SPAG16: variants seen among roughly 807,000 people sequenced by gnomAD.
SPAG16 encodes sperm-associated antigen 16 protein.
A neutral mutation model predicts 80.4 loss-of-function variants in SPAG16; 86 were observed. The observed-to-expected ratio is 1.07, with a 90% confidence interval of 0.90 to 1.28. The LOEUF (loss-of-function observed/expected upper bound fraction) is 1.28, where lower values mean the gene tolerates loss of function less well. Among genes scored for constraint, SPAG16 ranks in the 50% most tolerant of loss-of-function variants. SPAG16 has a pLI of 0.00. For missense variants in SPAG16, 870 were observed against 765.3 expected, an observed-to-expected ratio of 1.14 and a Z score of -1.61; for synonymous variants, 294 against 265.9, an observed-to-expected ratio of 1.11 and a Z score of -1.03.
intron 12 of SPAG16, among the ~76,000 whole-genome samples, chr2:213,967,922 A>G (rs2044790066): frequency 6.6e-6 from 1 of 152,100 alleles, no homozygotes; most frequent in Non-Finnish European, 1.5e-5. Flanking sequence ...GCTTCCTTTT[A>G]CGATATCAGT....
chr2:213,936,353 G>A (rs1454517689), intron 12 of SPAG16, among the ~76,000 whole-genome samples: 2 of 152,144 alleles, frequency 1.3e-5, no homozygotes, highest in African/African-American at 4.8e-5. Flanking sequence ...TCAATGAAAT[G>A]GGAAACCATT....
At chr2:213,316,229 T>C (rs1349156376) in intron 4 of SPAG16, among the ~76,000 whole-genome samples, 1 of 151,976 alleles carries the variant, frequency 6.6e-6, no homozygotes, top group Non-Finnish European at 1.5e-5. Flanking sequence ...TGGCTATCTG[T>C]TGCTCAGCCA....
chr2:214,182,811 T>A (rs1003474658), intron 15 of SPAG16, among the ~76,000 whole-genome samples: 1 of 151,942 alleles, frequency 6.6e-6, no homozygotes. Context: ...TTATTGTACA[T>A]AAATATCAGA....
At chr2:214,261,076 C>G (rs1691122247) in intron 15 of SPAG16, among the ~76,000 whole-genome samples, 2 of 117,012 alleles carry the variant, frequency 1.7e-5, no homozygotes, top group Admixed American at 2.4e-4. Flanking sequence ...CACTGCACTC[C>G]AGCCTGGGCT....
chr2:214,143,634 TTACA>T (rs1454411153), intron 14 of SPAG16, among the ~76,000 whole-genome samples: 1 of 152,194 alleles, frequency 6.6e-6, no homozygotes, highest in Admixed American at 6.5e-5. Context: ...TTCTTTTAAA[TTACA>T]TACAATCAAC....
intron 10 of SPAG16, among the ~76,000 whole-genome samples, chr2:213,639,250 T>C (rs2062493929): frequency 6.6e-6 from 1 of 152,198 alleles, no homozygotes; most frequent in Non-Finnish European, 1.5e-5. Context: ...AAAGTTAGTA[T>C]TGAGATATGA....
chr2:214,331,039 C>T (rs1349532723), intron 15 of SPAG16, among the ~76,000 whole-genome samples: 1 of 152,200 alleles, frequency 6.6e-6, no homozygotes, highest in East Asian at 1.9e-4. Flanking sequence ...TGATTCTCTT[C>T]TTAACTTTCA....
rs539889635 is a variant in SPAG16, at chr2:213,563,377, G to A, written c.1070+73287G>A. On this transcript the variant is annotated intron_variant, in intron 10 of 15. Transcript: ENST00000331683. ...GTATGTGTATTAGTCAGCTTGGGCT[G>A]TCATAACAATATACTATAGACTAGG... Among the ~76,000 whole-genome samples, 10 of 152,244 alleles carry A rather than the reference G, an allele frequency of 6.6e-5. No homozygotes were observed. The East Asian group carries it at 1.9e-3, about 29-fold the overall frequency.
intron 10 of SPAG16, among the ~76,000 whole-genome samples, chr2:213,772,675 A>G (rs1305364805): frequency 6.6e-6 from 1 of 152,148 alleles, no homozygotes; most frequent in Non-Finnish European, 1.5e-5. Flanking sequence ...TGTCAGGTAG[A>G]TTAATTCTCC....
At chr2:213,325,884 C>G (rs751856336) in intron 5 of SPAG16, among the ~76,000 whole-genome samples, 2 of 151,918 alleles carry the variant, frequency 1.3e-5, no homozygotes, top group African/African-American at 4.8e-5. Flanking sequence ...ATCTCTGTGC[C>G]TGGTACATAG....
intron 13 of SPAG16, among the ~76,000 whole-genome samples, chr2:214,101,459 C>T (rs1411942934): frequency 1.3e-5 from 2 of 151,956 alleles, no homozygotes; most frequent in African/African-American, 2.4e-5. Context: ...AGGGCATTTG[C>T]ACCTATCATT....
chr2:214,320,853 T>C (rs1275342557), intron 15 of SPAG16, among the ~76,000 whole-genome samples: 1 of 152,228 alleles, frequency 6.6e-6, no homozygotes, highest in Non-Finnish European at 1.5e-5. Context: ...ATATCACTTG[T>C]ACTTAGCAGT....
At chr2:213,774,043 T>C (rs778120202) in intron 10 of SPAG16, among the ~76,000 whole-genome samples, 4 of 152,234 alleles carry the variant, frequency 2.6e-5, no homozygotes, top group African/African-American at 4.8e-5. Context: ...TTTCTATTCC[T>C]ATTTTTTACC....
chr2:213,807,054 C>T (rs1425078224), intron 10 of SPAG16, among the ~76,000 whole-genome samples: 2 of 152,154 alleles, frequency 1.3e-5, no homozygotes, highest in African/African-American at 2.4e-5. Flanking sequence ...ACTCTTTAAC[C>T]TTCTACATCT....
intron 10 of SPAG16, among the ~76,000 whole-genome samples, chr2:213,613,270 T>C (rs1028171730): frequency 2.6e-5 from 4 of 152,206 alleles, no homozygotes; most frequent in Non-Finnish European, 5.9e-5. Flanking sequence ...ATGGAGATCA[T>C]TGTACTCCTT....
intron 10 of SPAG16, among the ~76,000 whole-genome samples, chr2:213,522,584 CT>C (rs2075720686): frequency 6.6e-6 from 1 of 152,092 alleles, no homozygotes; most frequent in Non-Finnish European, 1.5e-5. Context: ...CAAGTTGGCT[CT>C]CTGTGGCTGA....
chr2:213,489,455 G>T (rs1318267959), intron 9 of SPAG16, among the ~76,000 whole-genome samples: 1 of 152,106 alleles, frequency 6.6e-6, no homozygotes, highest in Non-Finnish European at 1.5e-5. Context: ...TTTACTTTCA[G>T]TAAGTGTTTT....
intron 10 of SPAG16, among the ~76,000 whole-genome samples, chr2:213,794,800 A>T (rs1318703937): frequency 5.9e-5 from 9 of 152,168 alleles, no homozygotes; most frequent in Non-Finnish European, 1.0e-4. Flanking sequence ...AATTTGGATA[A>T]GATAAACATC....
At chr2:214,096,037 A>G (rs181988607) in intron 13 of SPAG16, among the ~76,000 whole-genome samples, 1 of 152,018 alleles carries the variant, frequency 6.6e-6, no homozygotes, top group Non-Finnish European at 1.5e-5. Flanking sequence ...AATGGTGAGA[A>G]TAATTAATTG....
Sources: gnomAD v4.1 joint callset for allele counts (sites outside exome capture counted in the v4.1 genomes callset) on GRCh38, gnomAD v4.1.1 for gene constraint, MANE v1.5 for transcripts, NCBI Gene and HGNC (gene_info 2026-07-23, HGNC 2026-07-21) for gene names.